Variants in RPS6KC1 observed in about 807,000 individuals in gnomAD.
The protein encoded by RPS6KC1 is inactive ribosomal protein S6 kinase delta-1.
A neutral mutation model predicts 103.8 loss-of-function variants in RPS6KC1; 54 were observed. The ratio of observed to expected loss-of-function variants is 0.52; its 90% CI spans 0.42 to 0.65. The LOEUF (loss-of-function observed/expected upper bound fraction) is 0.65, where lower values mean the gene tolerates loss of function less well. Among genes scored for constraint, RPS6KC1 ranks in the 30% least tolerant of loss-of-function variants. The pLI, the probability that RPS6KC1 is intolerant of heterozygous loss-of-function variation, is 0.00. For missense variants in RPS6KC1, 1,151 were observed against 1,253.8 expected, an observed-to-expected ratio of 0.92 and a Z score of 1.24; for synonymous variants, 439 against 438.7, an observed-to-expected ratio of 1.00 and a Z score of -0.01.
chr1:213,190,660 A>T (rs2092712611), intron 8 of RPS6KC1, among the ~76,000 whole-genome samples: 1 of 151,946 alleles, frequency 6.6e-6, no homozygotes, highest in South Asian at 2.1e-4. Flanking sequence ...GCTTGATATG[A>T]TCCTATTTGT....
At chr1:213,153,198 C>T (rs1018965793) in intron 6 of RPS6KC1, among the ~76,000 whole-genome samples, 1 of 151,588 alleles carries the variant, frequency 6.6e-6, no homozygotes, top group Non-Finnish European at 1.5e-5. Context: ...AGCTTCGGCT[C>T]AGCATGAGAG....
chr1:213,357,959 C>T, the RPS6KC1 span, among the ~76,000 whole-genome samples: 1 of 152,176 alleles, frequency 6.6e-6, no homozygotes, highest in East Asian at 1.9e-4. Context: ...TATGTTGAAC[C>T]AGCCTTGCAT....
At chr1:213,547,991 G>C in the RPS6KC1 span, among the ~76,000 whole-genome samples, 1 of 152,236 alleles carries the variant, frequency 6.6e-6, no homozygotes, top group African/African-American at 2.4e-5. Context: ...GATTTTCATA[G>C]AAGTGTCGTT....
chr1:213,666,369 T>A, the RPS6KC1 span, among the ~76,000 whole-genome samples: 6 of 152,184 alleles, frequency 3.9e-5, no homozygotes, highest in Admixed American at 6.5e-5. Context: ...CCACATCGCA[T>A]GGCCCTGGCA....
chr1:213,715,965 A>AT, the RPS6KC1 span, among the ~76,000 whole-genome samples: 8 of 151,670 alleles, frequency 5.3e-5, no homozygotes, highest in African/African-American at 1.5e-4. Context: ...GTAAGTTTTA[A>AT]TTTTTTTTTA....
intron 14 of RPS6KC1, among the ~76,000 whole-genome samples, chr1:213,265,912 C>T (rs575205524): frequency 6.6e-6 from 1 of 152,312 alleles, no homozygotes; most frequent in East Asian, 1.9e-4. Flanking sequence ...AAATCTTTGC[C>T]ACTTACTACC....
the RPS6KC1 span, among the ~76,000 whole-genome samples, chr1:213,384,283 AAT>A: frequency 6.9e-6 from 1 of 145,096 alleles, no homozygotes; most frequent in Non-Finnish European, 1.5e-5. Context: ...CTCAAAAAAA[AAT>A]ATATATATAT....
chr1:213,680,157 T>C, the RPS6KC1 span, among the ~76,000 whole-genome samples: 7 of 152,208 alleles, frequency 4.6e-5, no homozygotes. Flanking sequence ...CAGGGGATCA[T>C]GTTTACCCAA....
chr1:213,172,920 A>T (rs1169415383), intron 7 of RPS6KC1, among the ~76,000 whole-genome samples: 4 of 152,212 alleles, frequency 2.6e-5, no homozygotes, highest in Non-Finnish European at 5.9e-5. Context: ...CAAGGAACTC[A>T]ATCATATTAC....
chr1:213,570,864 A>G, the RPS6KC1 span, among the ~76,000 whole-genome samples: 1 of 152,246 alleles, frequency 6.6e-6, no homozygotes, highest in East Asian at 1.9e-4. Flanking sequence ...CAGAAGGGGC[A>G]GACCAAATTG....
chr1:213,723,230 T>C, the RPS6KC1 span, among the ~76,000 whole-genome samples: 608 of 152,304 alleles, frequency 4.0e-3, 8 homozygotes, highest in African/African-American at 0.014. Context: ...TATTAAAGAA[T>C]TAGTGCTTCA....
At chr1:213,532,266 G>A in the RPS6KC1 span, among the ~76,000 whole-genome samples, 1 of 152,188 alleles carries the variant, frequency 6.6e-6, no homozygotes, top group South Asian at 2.1e-4. Flanking sequence ...TGCATAAAGT[G>A]ATGGTGGTGA....
the RPS6KC1 span, among the ~76,000 whole-genome samples, chr1:213,772,852 T>A: frequency 6.6e-6 from 1 of 152,200 alleles, no homozygotes; most frequent in Non-Finnish European, 1.5e-5. Flanking sequence ...AAGGGCCAAC[T>A]GGTTTCCTTC....
chr1:213,615,141 G>A, the RPS6KC1 span, among the ~76,000 whole-genome samples: 1 of 152,244 alleles, frequency 6.6e-6, no homozygotes, highest in Non-Finnish European at 1.5e-5. Flanking sequence ...GACCTGGTAA[G>A]TTGATTTTAC....
the RPS6KC1 span, among the ~76,000 whole-genome samples, chr1:213,701,758 G>T: frequency 6.6e-6 from 1 of 151,914 alleles, no homozygotes; most frequent in Admixed American, 6.6e-5. Flanking sequence ...TGATTGCAAT[G>T]ACTCCTTTTT....
At chr1:213,757,385 A>G in the RPS6KC1 span, among the ~76,000 whole-genome samples, 1 of 152,238 alleles carries the variant, frequency 6.6e-6, no homozygotes, top group South Asian at 2.1e-4. Context: ...GATTGCTGAG[A>G]TGGAGAAAGT....
chr1:213,729,615 C>T, the RPS6KC1 span, among the ~76,000 whole-genome samples: 1 of 152,124 alleles, frequency 6.6e-6, no homozygotes. Context: ...TAGAATCCTC[C>T]AACCAAGAGG....
chr1:213,535,055 G>T, the RPS6KC1 span, among the ~76,000 whole-genome samples: 2 of 152,168 alleles, frequency 1.3e-5, no homozygotes, highest in Non-Finnish European at 1.5e-5. Flanking sequence ...TGGCATCAGG[G>T]GGATTTGTGC....
chr1:213,296,068 C>A, the RPS6KC1 span, among the ~76,000 whole-genome samples: 1 of 152,210 alleles, frequency 6.6e-6, no homozygotes, highest in Non-Finnish European at 1.5e-5. Context: ...ATCTTTGAAT[C>A]ATTTGTAAAG....
Sources: allele counts gnomAD v4.1 joint callset (sites outside exome capture counted in the v4.1 genomes callset), GRCh38; gene constraint gnomAD v4.1.1; transcripts MANE v1.5; gene names NCBI Gene and HGNC (gene_info 2026-07-23, HGNC 2026-07-21).